Variants in LRRC49 observed in about 807,000 individuals in gnomAD.
LRRC49 encodes leucine-rich repeat-containing protein 49.
Under a neutral mutation model 83.3 loss-of-function variants are expected in LRRC49, and 50 were observed. The ratio of observed to expected loss-of-function variants is 0.60; its 90% confidence interval spans 0.48 to 0.76. The LOEUF is 0.76. Ranked by LOEUF, LRRC49 falls within the 30% of genes least tolerant of loss-of-function variation. The pLI is 0.00. For missense variants in LRRC49, 704 were observed against 809.1 expected, an observed-to-expected ratio of 0.87 and a Z score of 1.58; for synonymous variants, 286 against 283.3, an observed-to-expected ratio of 1.01 and a Z score of -0.10.
intron 9 of LRRC49, among the ~76,000 whole-genome samples, chr15:70,976,355 T>C (rs1399182588): frequency 2.0e-5 from 3 of 152,226 alleles, no homozygotes; most frequent in African/African-American, 7.2e-5. Context: ...AAAAACCCTG[T>C]GATTTTAAAG....
chr15:70,924,201 A>G (rs1178522795), intron 7 of LRRC49, among the ~76,000 whole-genome samples: 4 of 151,924 alleles, frequency 2.6e-5, no homozygotes, highest in Non-Finnish European at 5.9e-5. Context: ...TGAAGTATGT[A>G]TTCTTTAACT....
intron 1 of LRRC49, chr15:70,859,585 G>A (rs1250441388): frequency 7.6e-6 from 5 of 655,334 alleles, no homozygotes; most frequent in African/African-American, 5.3e-5. Context: ...AGCTGCAGAC[G>A]CTGGCTGGGA....
chr15:70,865,754 T>C (rs937554877), intron 1 of LRRC49, among the ~76,000 whole-genome samples: 10 of 152,222 alleles, frequency 6.6e-5, no homozygotes, highest in Non-Finnish European at 1.3e-4. Flanking sequence ...TTTTGAGGAC[T>C]GAGAGTTTTC....
upstream of LRRC49, among the ~76,000 whole-genome samples, chr15:70,888,530 A>G (rs960480472): frequency 1.3e-5 from 2 of 152,188 alleles, no homozygotes; most frequent in Non-Finnish European, 2.9e-5. Context: ...AATTAGATCT[A>G]AATATAAAAA....
chr15:70,878,352 A>G (rs2033195738), intron 2 of LRRC49, among the ~76,000 whole-genome samples: 2 of 152,218 alleles, frequency 1.3e-5, no homozygotes, highest in Admixed American at 6.5e-5. Flanking sequence ...GTACATAATC[A>G]TATCATCTCT....
chr15:70,994,462 C>CTTTATTTATTTA (rs562148532), intron 11 of LRRC49, among the ~76,000 whole-genome samples: 49 of 151,592 alleles, frequency 3.2e-4, no homozygotes, highest in South Asian at 1.7e-3. Context: ...TCCATATGAG[C>CTTTATTTATTTA]TTTATTTATT....
intron 4 of LRRC49, among the ~76,000 whole-genome samples, chr15:70,903,111 G>A (rs112960076): frequency 1.4e-4 from 22 of 152,168 alleles, no homozygotes; most frequent in African/African-American, 5.1e-4. Flanking sequence ...AAGTTGGGGG[G>A]TATCAATAAG....
intron 11 of LRRC49, among the ~76,000 whole-genome samples, chr15:70,989,751 T>C (rs1259524917): frequency 6.6e-6 from 1 of 152,144 alleles, no homozygotes; most frequent in Non-Finnish European, 1.5e-5. Flanking sequence ...TTTTTCCCCA[T>C]CTTTGTGGTT....
intron 14 of LRRC49, among the ~76,000 whole-genome samples, chr15:71,013,529 C>T (rs1254180185): frequency 6.6e-6 from 1 of 152,108 alleles, no homozygotes; most frequent in Non-Finnish European, 1.5e-5. Flanking sequence ...TAATGAAGAC[C>T]AATCAAATGG....
chr15:70,964,249 G>T (rs1206568636), intron 9 of LRRC49, among the ~76,000 whole-genome samples: 2 of 152,030 alleles, frequency 1.3e-5, no homozygotes, highest in Non-Finnish European at 2.9e-5. Context: ...TAGCATAGTG[G>T]TTAAGAGCAT....
At chr15:71,046,543 T>TG (rs2039860065) in intron 15 of LRRC49, among the ~76,000 whole-genome samples, 1 of 152,182 alleles carries the variant, frequency 6.6e-6, no homozygotes, top group African/African-American at 2.4e-5. Flanking sequence ...CATTTTTTAC[T>TG]GGGGTTATTT....
chr15:70,909,839 AAC>A (rs146189261), intron 5 of LRRC49, among the ~76,000 whole-genome samples: 369 of 136,072 alleles, frequency 2.7e-3, no homozygotes, highest in South Asian at 5.2e-3. Flanking sequence ...CTCCATCTCA[AAC>A]ACACACACAC....
intron 8 of LRRC49, among the ~76,000 whole-genome samples, chr15:70,939,373 A>G (rs980942963): frequency 1.3e-5 from 2 of 152,180 alleles, no homozygotes; most frequent in East Asian, 1.9e-4. Context: ...TGTGTGATCT[A>G]AGAACTCTTT....
chr15:71,026,010 A>G (rs1002390109), intron 14 of LRRC49, among the ~76,000 whole-genome samples: 2 of 152,236 alleles, frequency 1.3e-5, no homozygotes, highest in African/African-American at 4.8e-5. Context: ...TCAGCTCTGG[A>G]TCAAGTGGAC....
At chr15:70,959,508 A>G (rs1238635003) in intron 8 of LRRC49, among the ~76,000 whole-genome samples, 6 of 132,690 alleles carry the variant, frequency 4.5e-5, no homozygotes, top group African/African-American at 1.7e-4. Flanking sequence ...AAAGGAAGGA[A>G]GGAGGGAGGG....
intron 2 of LRRC49, among the ~76,000 whole-genome samples, chr15:70,884,847 AAAG>A (rs1015256598): frequency 6.6e-6 from 1 of 152,186 alleles, no homozygotes; most frequent in Non-Finnish European, 1.5e-5. Flanking sequence ...AGAGAAGCAA[AAAG>A]AAGCTAAAAA....
At chr15:70,886,385 C>T (rs977120029) in intron 2 of LRRC49, among the ~76,000 whole-genome samples, 2 of 152,006 alleles carry the variant, frequency 1.3e-5, no homozygotes, top group Admixed American at 6.6e-5. Context: ...CTTAGCTGCA[C>T]CATTTAACAT....
At chr15:70,886,977 T>C (rs572454768) in intron 2 of LRRC49, among the ~76,000 whole-genome samples, 1 of 152,168 alleles carries the variant, frequency 6.6e-6, no homozygotes, top group East Asian at 1.9e-4. Context: ...AAGATTATCA[T>C]GAAGGTTTTG....
At chr15:70,864,062 C>T (rs1442846708) in intron 1 of LRRC49, among the ~76,000 whole-genome samples, 1 of 152,064 alleles carries the variant, frequency 6.6e-6, no homozygotes, top group Non-Finnish European at 1.5e-5. Flanking sequence ...GAGGCTGGGG[C>T]AGTAAAGGAG....
Sources: allele counts gnomAD v4.1 joint callset (sites outside exome capture counted in the v4.1 genomes callset), GRCh38; gene constraint gnomAD v4.1.1; transcripts MANE v1.5; gene names NCBI Gene and HGNC (gene_info 2026-07-23, HGNC 2026-07-21).